RNLS: variants seen among roughly 807,000 people sequenced by gnomAD.
RNLS encodes renalase, FAD dependent amine oxidase, also known as renalase.
In RNLS, 39 loss-of-function variants were observed where a neutral mutation model predicts 39.8. The ratio of observed to expected loss-of-function variants is 0.98; its 90% confidence interval spans 0.76 to 1.28. RNLS has a LOEUF of 1.28. Ranked by LOEUF, RNLS falls within the 50% of genes most tolerant of loss-of-function variation. The pLI, the probability that RNLS is intolerant of heterozygous loss-of-function variation, is 0.00. For synonymous variants in RNLS, 147 were observed against 150.7 expected (o/e 0.98, Z 0.18); for missense variants, 410 against 413.3 (o/e 0.99, Z 0.07).
chr10:88,583,027 G>T, intron 1 of RNLS, 46 bp downstream of exon 1: 2 of 1,592,798 alleles, frequency 1.3e-6, no homozygotes, highest in African/African-American at 1.4e-5. Flanking sequence ...TCAGCAGCCT[G>T]CCCGGCAGTC....
At chr10:88,529,186 G>T (rs1847276944) in intron 4 of RNLS, among the ~76,000 whole-genome samples, 1 of 152,124 alleles carries the variant, frequency 6.6e-6, no homozygotes. Flanking sequence ...GAATTTAGGA[G>T]AGAGGGAGGC....
chr10:88,252,477 A>G, the RNLS span, among the ~76,000 whole-genome samples: 1 of 152,148 alleles, frequency 6.6e-6, no homozygotes, highest in African/African-American at 2.4e-5. Context: ...AGACCTCACG[A>G]GGTGGGTGGG....
intron 4 of RNLS, among the ~76,000 whole-genome samples, chr10:88,514,466 A>G (rs1316042915): frequency 6.6e-6 from 1 of 152,058 alleles, no homozygotes; most frequent in Admixed American, 6.6e-5. Flanking sequence ...TAAATGTACA[A>G]TACAATATTG....
chr10:88,204,268 G>A, the RNLS span, among the ~76,000 whole-genome samples: 1 of 152,096 alleles, frequency 6.6e-6, no homozygotes, highest in South Asian at 2.1e-4. Flanking sequence ...CCTAAGCCCT[G>A]TGCCTTGAAT....
At chr10:88,255,988 A>T in the RNLS span, among the ~76,000 whole-genome samples, 3 of 152,218 alleles carry the variant, frequency 2.0e-5, no homozygotes, top group African/African-American at 7.2e-5. Flanking sequence ...GGATGGGTAC[A>T]CTGGAGCACA....
chr10:88,430,033 A>G (rs1187157157), intron 4 of RNLS, among the ~76,000 whole-genome samples: 2 of 151,798 alleles, frequency 1.3e-5, no homozygotes, highest in Admixed American at 6.6e-5. Context: ...TCAGTTTTCA[A>G]TTTCCACAAA....
intron 5 of RNLS, among the ~76,000 whole-genome samples, chr10:88,357,063 C>T (rs1564726680): frequency 6.6e-6 from 1 of 152,266 alleles, no homozygotes; most frequent in East Asian, 1.9e-4. Context: ...TATATTTATG[C>T]CCTTTGCTTC....
rs115186306 is a variant in RNLS at position 88,285,351 on chromosome 10, G to A, written c.*3C>T. 777 of 1,608,690 alleles carry A rather than the reference G, an allele frequency of 4.8e-4. 6 individuals carry two copies. In the African/African-American group the frequency reaches 9.1e-3, roughly 19 times the overall value. On this transcript the variant is annotated 3_prime_UTR_variant, in exon 7 of 7. Coordinates refer to ENST00000331772, the MANE Select transcript of RNLS (RefSeq NM_001031709.3). ...ACACATGTAGAGAATAAGGATATAGGCACTAAATATAATTCTTTAAAGCTT... is the reference window on the plus strand; with the variant it reads ...ACACATGTAGAGAATAAGGATATAGACACTAAATATAATTCTTTAAAGCTT...
chr10:88,373,372 A>G (rs2133445998), intron 4 of RNLS, among the ~76,000 whole-genome samples: 1 of 152,244 alleles, frequency 6.6e-6, no homozygotes, highest in East Asian at 1.9e-4. Context: ...TTGCAGATCC[A>G]CTAGCTTCTT....
rs193265058 is a variant in RNLS, at chr10:88,415,440, C to T, written c.527-52715G>A. On this transcript the variant is annotated intron_variant, in intron 4 of 6. Coordinates refer to ENST00000331772, the MANE Select transcript of RNLS (RefSeq NM_001031709.3). Reference sequence around the variant, plus strand: ...TTCTTATCCAAAACAAAATCTCAACCATCCTATTTATTAGACTGGTGCTTT... The same window carrying T: ...TTCTTATCCAAAACAAAATCTCAACTATCCTATTTATTAGACTGGTGCTTT... Among the ~76,000 whole-genome samples the T allele has an allele frequency of 1.2e-4, 18 of 152,292 alleles. No individual in the cohort carries two copies. In the East Asian group the frequency reaches 3.1e-3, roughly 26 times the overall value.
chr10:88,323,598 T>A (rs1201988375), intron 5 of RNLS, among the ~76,000 whole-genome samples: 3 of 152,036 alleles, frequency 2.0e-5, no homozygotes, highest in East Asian at 1.9e-4. Flanking sequence ...CAGACAAAAA[T>A]TAAGTCAAGA....
At chr10:88,297,534 C>T (rs927509155) in intron 6 of RNLS, among the ~76,000 whole-genome samples, 6 of 152,128 alleles carry the variant, frequency 3.9e-5, no homozygotes, top group African/African-American at 1.4e-4. Flanking sequence ...CACTAATCTG[C>T]TTTCTGTCTC....
At chr10:88,250,503 G>A in the RNLS span, among the ~76,000 whole-genome samples, 1 of 152,158 alleles carries the variant, frequency 6.6e-6, no homozygotes, top group Non-Finnish European at 1.5e-5. Flanking sequence ...GGACTGTGGG[G>A]AGCATTTACC....
the RNLS span, among the ~76,000 whole-genome samples, chr10:88,197,861 G>T: frequency 7.9e-5 from 12 of 152,166 alleles, no homozygotes; most frequent in Admixed American, 7.2e-4. Context: ...CAAGGAGAGG[G>T]TCTTCACCAG....
intron 6 of RNLS, among the ~76,000 whole-genome samples, chr10:88,313,410 T>C (rs1845529884): frequency 6.6e-6 from 1 of 152,178 alleles, no homozygotes; most frequent in South Asian, 2.1e-4. Flanking sequence ...TTAAAGATAA[T>C]AGCTATTTAG....
At chr10:88,531,671 CA>C (rs369387641) in intron 4 of RNLS, among the ~76,000 whole-genome samples, 266 of 152,180 alleles carry the variant, frequency 1.7e-3, no homozygotes, top group African/African-American at 5.6e-3. Flanking sequence ...CATACTAAGT[CA>C]GGGCACCATC....
At chr10:88,282,145 C>T (rs980943895), downstream of RNLS, among the ~76,000 whole-genome samples, 1 of 152,112 alleles carries the variant, frequency 6.6e-6, no homozygotes, top group African/African-American at 2.4e-5. Context: ...CCAGTACTTA[C>T]AGAGACTTTA....
chr10:88,236,477 A>G, the RNLS span, among the ~76,000 whole-genome samples: 1 of 152,208 alleles, frequency 6.6e-6, no homozygotes, highest in African/African-American at 2.4e-5. Flanking sequence ...AAGAAAAGAA[A>G]GGCTACCCTT....
chr10:88,285,440 C>T lies in RNLS; in HGVS notation c.943G>A (p.Gly315Arg). The change falls in exon 7 of 7, where the codon GGA becomes AGA. Residue 315 changes from glycine (G) to arginine (R), a missense_variant. Coordinates refer to ENST00000331772, the MANE Select transcript of RNLS (RefSeq NM_001031709.3). The part of the protein sequence containing the change: ...TLHHKPFLAC[G>R]GDGFTQSNFD... Reference sequence around the variant, plus strand: ...TTGGACTGAGTAAATCCATCCCCTCCACATGCAAGGAAAGGTTTGTGATGC... The same window carrying T: ...TTGGACTGAGTAAATCCATCCCCTCTACATGCAAGGAAAGGTTTGTGATGC... 1 of 1,613,328 alleles carries T rather than the reference C, an allele frequency of 6.2e-7. No homozygotes were observed. The highest frequency in any genetic ancestry group is 1.1e-5 in the South Asian group (1 of 91,060).
Sources: gnomAD v4.1 joint callset for allele counts (sites outside exome capture counted in the v4.1 genomes callset) on GRCh38, gnomAD v4.1.1 for gene constraint, MANE v1.5 for transcripts, NCBI Gene and HGNC (gene_info 2026-07-23, HGNC 2026-07-21) for gene names.